The following ZSCAN2 variants were observed in gnomAD, a reference collection of about 807,000 sequenced individuals.
The protein encoded by ZSCAN2 is zinc finger and SCAN domain containing 2, also known as zinc finger and SCAN domain-containing protein 2.
ZSCAN2 carries 26 observed loss-of-function variants against 47.8 expected under a neutral mutation model. The observed-to-expected ratio is 0.54, with a 90% CI of 0.40 to 0.75. The LOEUF is 0.75. Among genes scored for constraint, ZSCAN2 ranks in the 30% least tolerant of loss-of-function variants. The pLI is 0.00. For missense variants in ZSCAN2, 732 were observed against 785.4 expected, an observed-to-expected ratio of 0.93 and a Z score of 0.81; for synonymous variants, 305 against 288.7, an observed-to-expected ratio of 1.06 and a Z score of -0.57.
Position 84,620,627 on chromosome 15 carries a change from G to T in ZSCAN2, c.432G>T (p.Gly144=), listed in dbSNP as rs1895793654. The stretch of plus-strand genomic sequence containing the variant: ...ATTTTGAGATACAGAGTGAAAATGG[G>T]GAGAACTGTAATCAAGACATGTTTG... ...DSDFEIQSEN[G]ENCNQDMFEN... The change falls in exon 3 of 3, where the codon GGG becomes GGT. Residue 144 remains glycine, a synonymous_variant. Transcript: ENST00000546148. 1 of 1,607,282 alleles carries T rather than the reference G, an allele frequency of 6.2e-7. No individual in the cohort carries two copies. The highest frequency in any genetic ancestry group is 8.5e-7 in the Non-Finnish European group (1 of 1,174,132).
At position 84,621,631 on chromosome 15, in the gene ZSCAN2, G is replaced by A. The variant is rs1432371949; in HGVS notation, c.1436G>A (p.Cys479Tyr). 1.2e-6 allele frequency: 2 copies of A among 1,614,026 alleles called. No homozygotes were observed. The highest frequency in any genetic ancestry group is 1.1e-5 in the South Asian group (1 of 91,070). Residue 479 changes from cysteine (C) to tyrosine (Y), a missense_variant, in exon 3 of 3, where the codon TGT (cysteine) becomes TAT (tyrosine). Cys to Tyr is a radical substitution (Grantham distance 194). Coordinates refer to ENST00000546148, the MANE Select transcript of ZSCAN2 (RefSeq NM_181877.4). This position sits in a 1 kb window ranked among gnomAD's most constrained non-coding sequence, Gnocchi z 5.7. ...GAGAAACCCTACGAGTGCCTGACAT[G>A]TGGGGAGAGCTTCAGCTGGAGCTCC... ...TGEKPYECLT[C>Y]GESFSWSSNL...
At position 84,604,140 on chromosome 15, in the gene ZSCAN2, G is replaced by A. The variant is rs780564193; in HGVS notation, c.213G>A (p.Arg71=). The A allele has an allele frequency of 1.9e-6, 3 of 1,613,856 alleles. No homozygotes were observed. The highest frequency in any genetic ancestry group is 2.5e-6 in the Non-Finnish European group (3 of 1,179,906). Residue 71 remains arginine (R), a synonymous_variant, in exon 2 of 3, where the codon AGG becomes AGA. Transcript: ENST00000546148. ...GCGGCCCCCAGGAGGAGGTGACCAG[G>A]GGACCACAGGGTGCACTCGGCCGCC... ...GKGGPQEEVT[R]GPQGALGRLR...
chr15:84,618,988 G>T lies in ZSCAN2; in HGVS notation c.407-1614G>T, dbSNP rs367843939. On this transcript the variant is annotated intron_variant, in intron 2 of 2. Transcript: ENST00000546148. ...TGTGATCCAGGCTCAGCTCTCTGCT[G>T]CTTTGGCCTCATCCTCGGGTAGATT... 2.6e-5 allele frequency among the ~76,000 whole-genome samples: 4 copies of T among 152,200 alleles called. No individual in the cohort carries two copies. In the East Asian group the frequency reaches 5.8e-4, roughly 22 times the overall value.
At position 84,603,907 on chromosome 15, in the gene ZSCAN2, G is replaced by A; in HGVS notation, c.-21G>A. On this transcript the variant is annotated 5_prime_UTR_variant, in exon 2 of 3. In the 5' UTR this introduces an upstream ATG that the reference lacks. Transcript: ENST00000546148. ...CTGAGGTCCAAGGCTTGAAGCCTAAGTGATTGCCCCAGGACTGTGGATGAT... is the reference window on the plus strand; with the variant it reads ...CTGAGGTCCAAGGCTTGAAGCCTAAATGATTGCCCCAGGACTGTGGATGAT... 1 of 1,599,924 alleles carries A rather than the reference G, an allele frequency of 6.3e-7. No individual in the cohort carries two copies. Among genetic ancestry groups the A allele is most frequent in the African/African-American group, 1.3e-5 (1 of 74,798 alleles).
chr15:84,616,630 C>G (rs1895699924), intron 2 of ZSCAN2: 1 of 1,193,724 alleles, frequency 8.4e-7, no homozygotes. Flanking sequence ...TGCTTCCGAG[C>G]TCATTGGAGA....
chr15:84,612,686 G>A (rs1008516336), intron 2 of ZSCAN2, among the ~76,000 whole-genome samples: 1 of 152,046 alleles, frequency 6.6e-6, no homozygotes, highest in African/African-American at 2.4e-5. Flanking sequence ...AGTGAGCCGA[G>A]ATCATGCCAC....
chr15:84,621,755 C>T lies in ZSCAN2; in HGVS notation c.1560C>T (p.His520=). Residue 520 remains histidine (H), a synonymous_variant, in exon 3 of 3, where the codon CAC becomes CAT. Transcript: ENST00000546148. The surrounding 1 kb of genome is among the most constrained non-coding windows in gnomAD (Gnocchi z 5.7). ...CFSQRSQLVV[H]QRTHTGEKPY... is the part of the protein sequence containing the mutation. ...GCCAGCGCTCCCAGCTCGTAGTGCACCAGCGGACCCACACGGGCGAGAAGC... is the reference window on the plus strand; with the variant it reads ...GCCAGCGCTCCCAGCTCGTAGTGCATCAGCGGACCCACACGGGCGAGAAGC... 6.2e-7 allele frequency: 1 copy of T among 1,614,214 alleles called. No individual in the cohort carries two copies. The highest frequency in any genetic ancestry group is 8.5e-7 in the Non-Finnish European group (1 of 1,180,038).
At position 84,623,447 on chromosome 15, in the gene ZSCAN2, A is replaced by G; in HGVS notation, c.*1407A>G. On this transcript the variant is annotated 3_prime_UTR_variant, in exon 3 of 3. Transcript: ENST00000546148. ...TTGAGGACATATCTGTTCCCTGGAG[A>G]TATTTGGGCTTGAATCAGGAGTTTG... 1 of 171,390 alleles carries G rather than the reference A, an allele frequency of 5.8e-6. No homozygotes were observed. 10.6% of individuals were successfully genotyped at this position (171,390 alleles called of 1,614,324 possible).
chr15:84,622,384 C>T lies in ZSCAN2; in HGVS notation c.*344C>T. 1 of 583,492 alleles carries T rather than the reference C, an allele frequency of 1.7e-6. No individual in the cohort carries two copies. Among genetic ancestry groups the T allele is most frequent in the Non-Finnish European group, 3.1e-6 (1 of 323,476 alleles). 36.1% of individuals were successfully genotyped at this position (583,492 alleles called of 1,614,324 possible). A position where few individuals can be genotyped will look rare whatever the true frequency, so the allele number is the denominator to read the frequency against. ...TTTCTCCATGTGGAATGGAAGACAG[C>T]ATGGCCCACAACGTGGGCCGAGTCC... is the stretch of plus-strand genomic sequence containing the variant. On this transcript the variant is annotated 3_prime_UTR_variant, in exon 3 of 3. Coordinates refer to ENST00000546148, the MANE Select transcript of ZSCAN2 (RefSeq NM_181877.4).
intron 1 of ZSCAN2, among the ~76,000 whole-genome samples, chr15:84,601,790 C>G (rs1895210519): frequency 6.6e-6 from 1 of 152,076 alleles, no homozygotes; most frequent in Non-Finnish European, 1.5e-5. Flanking sequence ...AAGCCATCTT[C>G]CCTCCTCGGC....
intron 2 of ZSCAN2, among the ~76,000 whole-genome samples, chr15:84,605,354 G>A (rs1353925863): frequency 1.3e-5 from 2 of 152,172 alleles, no homozygotes; most frequent in Admixed American, 6.5e-5. Flanking sequence ...TGAAAACTAC[G>A]GAAGTTCAGA....
At chr15:84,609,735 C>T (rs1895489497) in intron 2 of ZSCAN2, among the ~76,000 whole-genome samples, 1 of 152,162 alleles carries the variant, frequency 6.6e-6, no homozygotes, top group Admixed American at 6.5e-5. Flanking sequence ...TGGAGCTGGG[C>T]ATACCCTATA....
At chr15:84,615,685 T>C (rs552725924) in intron 2 of ZSCAN2, among the ~76,000 whole-genome samples, 21 of 152,292 alleles carry the variant, frequency 1.4e-4, no homozygotes, top group African/African-American at 5.1e-4. Context: ...TTTCCTGTCA[T>C]TGCTTTCTTA....
At chr15:84,619,228 G>A (rs889861074) in intron 2 of ZSCAN2, among the ~76,000 whole-genome samples, 8 of 152,036 alleles carry the variant, frequency 5.3e-5, no homozygotes, top group South Asian at 4.1e-4. Context: ...TCAGGAGATC[G>A]AGACCATCCT....
rs1258279660 is a variant in ZSCAN2 at position 84,622,754 on chromosome 15, A to T, written c.*714A>T. 1 of 706,406 alleles carries T rather than the reference A, an allele frequency of 1.4e-6. No individual in the cohort carries two copies. Among genetic ancestry groups the T allele is most frequent in the Non-Finnish European group, 2.6e-6 (1 of 380,658 alleles). The allele number at this position is 706,406 out of a possible 1,614,324, so 43.8% of individuals were successfully genotyped here. On this transcript the variant is annotated 3_prime_UTR_variant, in exon 3 of 3. Coordinates refer to ENST00000546148, the MANE Select transcript of ZSCAN2 (RefSeq NM_181877.4). ...GGGCCTTCAGGAAAGGGGTAAACCG[A>T]GGACATTTCAGTGCTTGCTTTTGTC...
chr15:84,606,675 A>T (rs763537125), intron 2 of ZSCAN2: 93 of 1,573,652 alleles, frequency 5.9e-5, no homozygotes, highest in Non-Finnish European at 7.3e-5. Flanking sequence ...CACAGAGCAG[A>T]GGTTCAGGTC....
Position 84,604,738 on chromosome 15 carries a change from CTTTTTT to C in ZSCAN2, c.406+417_406+422del, listed in dbSNP as rs11459006. ...TCAACATGACTTTTTTTTCTTTTTT[CTTTTTT>C]TTTTTTTTTTTGAAACGGAGTCTCG... On this transcript the variant is annotated intron_variant, in intron 2 of 2. Transcript: ENST00000546148. Among the ~76,000 whole-genome samples the C allele has an allele frequency of 8.0e-3, 1,034 of 129,006 alleles. 11 individuals carry two copies. Among genetic ancestry groups the C allele is most frequent in the Non-Finnish European group, 0.011 (709 of 63,042 alleles). The allele number at this position is 129,006 out of a possible 152,430, so 84.6% of individuals were successfully genotyped here. A position where few individuals can be genotyped will look rare whatever the true frequency, so the allele number is the denominator to read the frequency against.
chr15:84,603,394 A>G (rs1285028961), intron 1 of ZSCAN2, among the ~76,000 whole-genome samples: 8 of 133,000 alleles, frequency 6.0e-5, no homozygotes, highest in African/African-American at 1.2e-4. Flanking sequence ...TTTGAGACGG[A>G]GTCTCACTCT....
intron 2 of ZSCAN2, chr15:84,606,718 C>T (rs937739515): frequency 6.9e-7 from 1 of 1,440,862 alleles, no homozygotes; most frequent in East Asian, 2.6e-5. Flanking sequence ...ACAGCCCTTC[C>T]CATCCACCTT....
Sources: allele counts gnomAD v4.1 joint callset (sites outside exome capture counted in the v4.1 genomes callset), GRCh38; gene constraint gnomAD v4.1.1; non-coding constraint Gnocchi (gnomAD v3.1); transcripts MANE v1.5; gene names NCBI Gene and HGNC (gene_info 2026-07-23, HGNC 2026-07-21).